Variants in OSBPL9 observed in about 807,000 individuals in gnomAD.
OSBPL9 encodes the protein oxysterol binding protein like 9.
A neutral mutation model predicts 106.6 loss-of-function variants in OSBPL9; 40 were observed. The observed-to-expected ratio is 0.38, with a 90% CI of 0.29 to 0.49. The LOEUF (loss-of-function observed/expected upper bound fraction) is 0.49. Among genes scored for constraint, OSBPL9 ranks in the 20% least tolerant of loss-of-function variants. The pLI is 0.97. For missense variants in OSBPL9, 609 were observed against 887.2 expected (o/e 0.69, Z 3.98); for synonymous variants, 269 against 295.4 (o/e 0.91, Z 0.92).
the OSBPL9 span, among the ~76,000 whole-genome samples, chr1:51,536,119 G>A: frequency 6.6e-6 from 1 of 152,024 alleles, no homozygotes; most frequent in Non-Finnish European, 1.5e-5. Context: ...TACCCACTCA[G>A]TATGACAATC....
At chr1:51,661,947 T>C (rs960807652) in intron 2 of OSBPL9, among the ~76,000 whole-genome samples, 1 of 152,158 alleles carries the variant, frequency 6.6e-6, no homozygotes, top group Non-Finnish European at 1.5e-5. Context: ...CCTTGTAGGC[T>C]AGGCTGTGGC....
In OSBPL9 at chr1:51,607,045, A is replaced by G. The variant is rs1570541115; in HGVS notation, c.-352-7260A>G. On this transcript the variant is annotated intron_variant, in intron 2 of 25. Coordinates refer to the OSBPL9 transcript ENST00000371714. ...AGCCTGGGCGACAGAGTGAGACTCC[A>G]TCTCAAAAAAAAAGAAAAAAAGAAA... Among the ~76,000 whole-genome samples the G allele has an allele frequency of 2.0e-5, 3 of 151,924 alleles. No individual in the cohort carries two copies. In the South Asian group the frequency reaches 6.2e-4, roughly 32 times the overall value.
intron 3 of OSBPL9, among the ~76,000 whole-genome samples, chr1:51,674,194 A>G (rs544204730): frequency 3.3e-4 from 50 of 151,650 alleles, no homozygotes; most frequent in African/African-American, 1.2e-3. Context: ...AGGTAGCTGG[A>G]ACTACTAAAA....
chr1:51,536,796 A>G, the OSBPL9 span, among the ~76,000 whole-genome samples: 1 of 152,198 alleles, frequency 6.6e-6, no homozygotes, highest in Non-Finnish European at 1.5e-5. Context: ...AAGAAATCCT[A>G]GTTATATGAT....
intron 1 of OSBPL9, among the ~76,000 whole-genome samples, chr1:51,634,936 A>G (rs1333764332): frequency 6.6e-6 from 1 of 152,212 alleles, no homozygotes; most frequent in Non-Finnish European, 1.5e-5. Context: ...TTTCACTACC[A>G]CAAGAAACAG....
chr1:51,767,936 C>CTTTTTT (rs869092922), intron 12 of OSBPL9, among the ~76,000 whole-genome samples: 9 of 65,054 alleles, frequency 1.4e-4, no homozygotes, highest in East Asian at 5.3e-4. Context: ...TAAAGACCGT[C>CTTTTTT]TTTTTTTTTT....
At chr1:51,751,291 T>C (rs1669181376) in intron 8 of OSBPL9, among the ~76,000 whole-genome samples, 1 of 152,012 alleles carries the variant, frequency 6.6e-6, no homozygotes, top group Non-Finnish European at 1.5e-5. Context: ...TTTCACCATG[T>C]TACCCAGGCT....
chr1:51,673,606 G>C (rs1048165857), intron 3 of OSBPL9, among the ~76,000 whole-genome samples: 2 of 152,202 alleles, frequency 1.3e-5, no homozygotes, highest in Non-Finnish European at 2.9e-5. Context: ...AGCATGGGCA[G>C]TTTATTCATA....
At chr1:51,583,720 T>C (rs928401226) in intron 1 of OSBPL9, 3 of 152,002 alleles carry the variant, frequency 2.0e-5, no homozygotes, top group Admixed American at 6.6e-5. Flanking sequence ...AGCAGCAGAG[T>C]GTTCCTCAGC....
intron 3 of OSBPL9, among the ~76,000 whole-genome samples, chr1:51,684,467 A>G (rs947783161): frequency 6.6e-6 from 1 of 152,262 alleles, no homozygotes; most frequent in Non-Finnish European, 1.5e-5. Context: ...TACATATTTC[A>G]AGATAACATG....
rs1012643286 is a variant in OSBPL9 at position 51,652,113 on chromosome 1, G to A, written c.162+72G>A. On this transcript the variant is annotated intron_variant, in intron 2 of 23. Coordinates refer to ENST00000428468, the MANE Select transcript of OSBPL9 (RefSeq NM_024586.6). ...ATTGTATTCTGATAGAATTATGGAA[G>A]TCTAAATTTAGTTTAGCTTCCTTAC... 6 of 1,214,660 alleles carry A rather than the reference G, an allele frequency of 4.9e-6. No individual in the cohort carries two copies. In the African/African-American group the frequency reaches 7.7e-5, roughly 16 times the overall value. The allele number at this position is 1,214,660 out of a possible 1,614,324, so 75.2% of individuals were successfully genotyped here.
chr1:51,709,861 C>G (rs1466539537), intron 3 of OSBPL9: 2 of 152,292 alleles, frequency 1.3e-5, no homozygotes, highest in Non-Finnish European at 2.9e-5. Context: ...GGGGCGAAGC[C>G]TCCTTCAAGG....
rs373445663 is a variant in OSBPL9 at position 51,620,086 on chromosome 1, G to A, written c.111+2865G>A. ...CTCAGGATTGGGTTAGGATCATTGC[G>A]ATAGTTGTGAACTGAATAGATTTAC... is the stretch of plus-strand genomic sequence containing the variant. On this transcript the variant is annotated intron_variant, in intron 1 of 23. Transcript: ENST00000428468. 7.2e-5 allele frequency among the ~76,000 whole-genome samples: 11 copies of A among 152,244 alleles called. No homozygotes were observed. In the East Asian group the frequency reaches 2.1e-3, roughly 29 times the overall value.
At chr1:51,671,831 A>T (rs753747964) in intron 3 of OSBPL9, among the ~76,000 whole-genome samples, 3 of 152,162 alleles carry the variant, frequency 2.0e-5, no homozygotes, top group Non-Finnish European at 4.4e-5. Context: ...AACAAAGTAT[A>T]TGGCTATGTT....
At chr1:51,642,448 A>G (rs1449281515) in intron 1 of OSBPL9, among the ~76,000 whole-genome samples, 5 of 152,212 alleles carry the variant, frequency 3.3e-5, no homozygotes, top group Admixed American at 2.0e-4. Flanking sequence ...GAGACATTTC[A>G]TAATAATAAA....
At chr1:51,522,787 G>T in the OSBPL9 span, among the ~76,000 whole-genome samples, 1 of 152,156 alleles carries the variant, frequency 6.6e-6, no homozygotes, top group Non-Finnish European at 1.5e-5. Context: ...ACTTTGTATG[G>T]ATGGTTTAAG....
chr1:51,762,919 T>A (rs1228445652), intron 11 of OSBPL9, among the ~76,000 whole-genome samples: 1 of 152,220 alleles, frequency 6.6e-6, no homozygotes, highest in Non-Finnish European at 1.5e-5. Context: ...TAGAAAACAT[T>A]TATCAGTCTT....
the OSBPL9 span, among the ~76,000 whole-genome samples, chr1:51,543,897 T>C: frequency 6.6e-6 from 1 of 152,220 alleles, no homozygotes; most frequent in Non-Finnish European, 1.5e-5. Flanking sequence ...GCCCACTCAT[T>C]ATTCTCAAGA....
chr1:51,575,693 C>T (rs1358854298), upstream of OSBPL9, among the ~76,000 whole-genome samples: 2 of 152,098 alleles, frequency 1.3e-5, no homozygotes, highest in East Asian at 1.9e-4. Flanking sequence ...GAACATGGCA[C>T]TCCAAAATAT....
Sources: gnomAD v4.1 joint callset for allele counts (sites outside exome capture counted in the v4.1 genomes callset) on GRCh38, gnomAD v4.1.1 for gene constraint, MANE v1.5 for transcripts, NCBI Gene and HGNC (gene_info 2026-07-23, HGNC 2026-07-21) for gene names.